Variants in EHBP1 observed in about 807,000 individuals in gnomAD.
EHBP1 encodes the protein EH domain binding protein 1.
In EHBP1, 55 loss-of-function variants were observed where a neutral mutation model predicts 144.0. That is an observed-to-expected ratio of 0.38 (90% CI 0.31 to 0.48). The LOEUF is 0.48. Ranked by LOEUF, EHBP1 falls within the 20% of genes least tolerant of loss-of-function variation. The probability of loss-of-function intolerance (pLI) is 0.98; values close to 1 mark genes in which losing one functional copy is unlikely to be tolerated. For synonymous variants in EHBP1, 469 were observed against 472.7 expected (o/e 0.99, Z 0.10); for missense variants, 1,200 against 1,364.2 (o/e 0.88, Z 1.90).
At position 63,045,634 on chromosome 2, in the gene EHBP1, C is replaced by T; in HGVS notation, c.*134C>T. ...ATTGTACTACTTTACCTCTACTTTA[C>T]CACCACCACCCTTTTCCTCCCTCCT... On this transcript the variant is annotated 3_prime_UTR_variant, in exon 23 of 23. Coordinates refer to ENST00000431489, the MANE Select transcript of EHBP1 (RefSeq NM_001142616.3). The surrounding 1 kb of genome is among the most constrained non-coding windows in gnomAD (Gnocchi z 5.7). The T allele has an allele frequency of 1.5e-6, 1 of 656,108 alleles. No homozygotes were observed. The highest frequency in any genetic ancestry group is 1.8e-5 in the African/African-American group (1 of 54,894). 40.6% of individuals were successfully genotyped at this position (656,108 alleles called of 1,614,324 possible).
chr2:62,745,678 G>A (rs2039087895), intron 2 of EHBP1, among the ~76,000 whole-genome samples: 1 of 151,986 alleles, frequency 6.6e-6, no homozygotes, highest in Non-Finnish European at 1.5e-5. Context: ...TGAGAAACAA[G>A]GGTGTCACAG....
At chr2:62,880,418 GAAACAAA>G (rs531278311) in intron 10 of EHBP1, among the ~76,000 whole-genome samples, 92 of 146,868 alleles carry the variant, frequency 6.3e-4, no homozygotes, top group African/African-American at 1.8e-3. Context: ...AAAAAAGAAA[GAAACAAA>G]AAACAAAAAA....
rs1321228445 is a variant in EHBP1, at chr2:62,979,216, TGA to T, written c.2499_2500del (p.Arg833SerfsTer22). 6.2e-7 allele frequency: 1 copy of T among 1,613,170 alleles called. No homozygotes were observed. Among genetic ancestry groups the T allele is most frequent in the Non-Finnish European group, 8.5e-7 (1 of 1,179,482 alleles). On this transcript the variant is annotated frameshift_variant, in exon 15 of 23. Transcript: ENST00000431489. LOFTEE classifies it high-confidence loss of function. ...CAAGATGAAGAGCGACGTCGGCAGC[TGA>T]GAGAGAGAGCTCGTCAGCTAATAGC...
chr2:62,731,941 CTG>C (rs2037639633), intron 2 of EHBP1, among the ~76,000 whole-genome samples: 1 of 152,102 alleles, frequency 6.6e-6, no homozygotes, highest in Non-Finnish European at 1.5e-5. Flanking sequence ...TTGAGAAAGT[CTG>C]TTTCTCACTT....
intron 21 of EHBP1, chr2:63,044,417 A>T (rs766835222): frequency 5.3e-5 from 8 of 152,082 alleles, no homozygotes; most frequent in African/African-American, 7.2e-5. Context: ...CCAAAAGAAA[A>T]CTGGCTGTGA....
chr2:62,874,212 C>T, intron 9 of EHBP1, 134 bp from the exon 10 acceptor site: 3 of 590,084 alleles, frequency 5.1e-6, no homozygotes, highest in Admixed American at 7.1e-5. Flanking sequence ...TCATTATTTC[C>T]AAATTCCAGG....
intron 9 of EHBP1, among the ~76,000 whole-genome samples, chr2:62,867,601 C>T (rs1462956258): frequency 6.6e-6 from 1 of 152,194 alleles, no homozygotes; most frequent in South Asian, 2.1e-4. Flanking sequence ...GGAAAAAATA[C>T]AATGGCCATG....
chr2:62,928,607 A>T (rs2055726869), intron 10 of EHBP1, among the ~76,000 whole-genome samples: 1 of 152,178 alleles, frequency 6.6e-6, no homozygotes, highest in Non-Finnish European at 1.5e-5. Context: ...CCAGTGGGAA[A>T]AAAATAAAAA....
intron 10 of EHBP1, among the ~76,000 whole-genome samples, chr2:62,901,639 T>C (rs993111099): frequency 1.3e-5 from 2 of 150,976 alleles, no homozygotes; most frequent in African/African-American, 4.9e-5. Context: ...CGCTTGTGAA[T>C]ATGAACATTT....
intron 19 of EHBP1, among the ~76,000 whole-genome samples, chr2:63,023,264 TA>T: frequency 6.6e-6 from 1 of 152,254 alleles, no homozygotes; most frequent in East Asian, 1.9e-4. Flanking sequence ...TGGTTTTCTT[TA>T]ACCGTTTTTT....
intron 19 of EHBP1, among the ~76,000 whole-genome samples, chr2:63,037,243 G>A (rs1466476485): frequency 6.6e-6 from 1 of 151,720 alleles, no homozygotes; most frequent in Non-Finnish European, 1.5e-5. Flanking sequence ...AAACATAATA[G>A]CAAGTCAGCC....
intron 1 of EHBP1, 88 bp downstream of exon 1, chr2:62,706,140 G>C (rs1474903184): frequency 6.5e-6 from 1 of 153,664 alleles, no homozygotes; most frequent in African/African-American, 2.4e-5. Context: ...GGGTGACAGG[G>C]ACCGCGGACG....
rs190025071 is a variant in EHBP1 at position 62,754,043 on chromosome 2, C to T, written c.162+6591C>T. On this transcript the variant is annotated intron_variant, in intron 3 of 22. Transcript: ENST00000431489. ...TTGTTTCGTTGCTGGCGAGGAGCTC[C>T]GTTCCTTTGGAGGGGGAGAGGTGCT... 2.0e-3 allele frequency among the ~76,000 whole-genome samples: 305 copies of T among 152,300 alleles called. 1 individual carries two copies. Among genetic ancestry groups the T allele is most frequent in the African/African-American group, 4.1e-3 (170 of 41,568 alleles).
intron 3 of EHBP1, among the ~76,000 whole-genome samples, chr2:62,748,753 A>G (rs1007632195): frequency 6.6e-6 from 1 of 152,172 alleles, no homozygotes; most frequent in Non-Finnish European, 1.5e-5. Flanking sequence ...TTTTTCTACA[A>G]GTAGACCTGT....
Position 62,706,892 on chromosome 2 carries a change from T to C in EHBP1, c.-295-5T>C. 3.5e-6 allele frequency: 1 copy of C among 282,188 alleles called. No individual in the cohort carries two copies. The highest frequency in any genetic ancestry group is 2.1e-5 in the African/African-American group (1 of 46,660). 17.5% of individuals were successfully genotyped at this position (282,188 alleles called of 1,614,324 possible). On this transcript the variant is annotated splice_polypyrimidine_tract_variant and splice_region_variant and intron_variant, in intron 1 of 22. Coordinates refer to ENST00000431489, the MANE Select transcript of EHBP1 (RefSeq NM_001142616.3). ...TTCTCTTTTTGTCTTTGTTTTGCTT[T>C]TCAGCCCTCCAGAATACCCATCATA...
At chr2:62,699,408 G>A (rs752710863) in intron 1 of EHBP1, among the ~76,000 whole-genome samples, 1 of 152,168 alleles carries the variant, frequency 6.6e-6, no homozygotes, top group Non-Finnish European at 1.5e-5. Context: ...TCTCAGCTGA[G>A]GTCTTAATTC....
At chr2:63,029,360 T>C (rs144035401) in intron 19 of EHBP1, among the ~76,000 whole-genome samples, 1 of 151,898 alleles carries the variant, frequency 6.6e-6, no homozygotes, top group East Asian at 1.9e-4. Flanking sequence ...GAGCCAAGAT[T>C]AAAAATACAA....
At chr2:63,021,483 G>C (rs947243590) in intron 19 of EHBP1, among the ~76,000 whole-genome samples, 3 of 152,128 alleles carry the variant, frequency 2.0e-5, no homozygotes, top group African/African-American at 7.2e-5. Flanking sequence ...TGAGTGTTAG[G>C]CACTTACAGA....
chr2:62,862,864 T>G (rs943101730), intron 8 of EHBP1, among the ~76,000 whole-genome samples: 1 of 152,176 alleles, frequency 6.6e-6, no homozygotes, highest in African/African-American at 2.4e-5. Flanking sequence ...CAGCAAATCT[T>G]AGACAGTTTT....
Sources: gnomAD v4.1 joint callset for allele counts (sites outside exome capture counted in the v4.1 genomes callset) on GRCh38, gnomAD v4.1.1 for gene constraint, Gnocchi (gnomAD v3.1) non-coding constraint, MANE v1.5 for transcripts, NCBI Gene and HGNC (gene_info 2026-07-23, HGNC 2026-07-21) for gene names.